CACNB2: variants seen among roughly 807,000 people sequenced by gnomAD.
CACNB2 encodes the protein voltage-dependent L-type calcium channel subunit beta-2.
A neutral mutation model predicts 73.3 loss-of-function variants in CACNB2; 42 were observed. That is an observed-to-expected ratio of 0.57 (90% CI 0.45 to 0.74). The LOEUF (loss-of-function observed/expected upper bound fraction) is 0.74. Ranked by LOEUF, CACNB2 falls within the 30% of genes least tolerant of loss-of-function variation. CACNB2 has a pLI of 0.00. For synonymous variants in CACNB2, 348 were observed against 310.3 expected (o/e 1.12, Z -1.28); for missense variants, 940 against 853.0 (o/e 1.10, Z -1.27).
chr10:18,292,537 T>C (rs145996381), intron 2 of CACNB2, among the ~76,000 whole-genome samples: 2 of 152,224 alleles, frequency 1.3e-5, no homozygotes, highest in African/African-American at 4.8e-5. Context: ...GTGCCTATAG[T>C]TCCAGCTACT....
intron 2 of CACNB2, among the ~76,000 whole-genome samples, chr10:18,326,382 G>A (rs2040591113): frequency 6.6e-6 from 1 of 152,174 alleles, no homozygotes; most frequent in Admixed American, 6.5e-5. Context: ...TATCCAAAGG[G>A]CAGTTTGGTG....
At chr10:18,165,880 T>G (rs2032816855) in intron 2 of CACNB2, among the ~76,000 whole-genome samples, 1 of 152,154 alleles carries the variant, frequency 6.6e-6, no homozygotes, top group South Asian at 2.1e-4. Flanking sequence ...GCAACTGACG[T>G]TAGATTGACC....
chr10:18,542,910 C>T lies in CACNB2; in HGVS notation c.*3186C>T, dbSNP rs574206810. ...TTTTTTTTTTTTTTTTGGTCATATC[C>T]ATTTCAGTCTTTCCTATGCTCTTTC... On this transcript the variant is annotated 3_prime_UTR_variant, in exon 14 of 14. Transcript: ENST00000324631. The T allele has an allele frequency of 9.3e-4, 125 of 134,952 alleles. No homozygotes were observed. The highest frequency in any genetic ancestry group is 4.6e-3 in the Middle Eastern group (1 of 218). The allele number at this position is 134,952 out of a possible 1,614,324, so 8.4% of individuals were successfully genotyped here.
chr10:18,320,275 C>T (rs1407670309), intron 2 of CACNB2, among the ~76,000 whole-genome samples: 2 of 152,168 alleles, frequency 1.3e-5, no homozygotes, highest in East Asian at 3.9e-4. Flanking sequence ...GAGCTTTTGT[C>T]TTACTCATCT....
rs78087290 is a variant in CACNB2, at chr10:18,305,649, A to G, written c.214-96275A>G. Among the ~76,000 whole-genome samples the G allele has an allele frequency of 7.8e-3, 1,191 of 152,222 alleles. 40 individuals are homozygous for G. The highest frequency in any genetic ancestry group is 0.054 in the East Asian group (281 of 5,168). On this transcript the variant is annotated intron_variant, in intron 2 of 13. Transcript: ENST00000324631. ...TGGTGTGAGTTAGTTTTCAAGACAA[A>G]CTGGAAGTCCCAATTTTAAGTAACA...
At chr10:18,321,958 G>C (rs567354054) in intron 2 of CACNB2, among the ~76,000 whole-genome samples, 5 of 152,214 alleles carry the variant, frequency 3.3e-5, no homozygotes, top group South Asian at 4.1e-4. Flanking sequence ...TTCAAGACCA[G>C]CCTGAACAAC....
intron 3 of CACNB2, among the ~76,000 whole-genome samples, chr10:18,483,111 A>G (rs192963619): frequency 6.6e-6 from 1 of 152,244 alleles, no homozygotes; most frequent in East Asian, 1.9e-4. Flanking sequence ...CTAGAGAGTG[A>G]GTGATCACAT....
chr10:18,408,871 A>T (rs2044449337), intron 3 of CACNB2, among the ~76,000 whole-genome samples: 1 of 152,032 alleles, frequency 6.6e-6, no homozygotes, highest in South Asian at 2.1e-4. Context: ...TTATTTTTTT[A>T]GACAAGGTCT....
chr10:18,279,323 G>A (rs887819154), intron 2 of CACNB2, among the ~76,000 whole-genome samples: 3 of 152,108 alleles, frequency 2.0e-5, no homozygotes, highest in Non-Finnish European at 2.9e-5. Flanking sequence ...AAATGGCTTT[G>A]TAACTCTTAC....
At chr10:18,533,058 G>A (rs1032856354) in intron 10 of CACNB2, 1 of 152,098 alleles carries the variant, frequency 6.6e-6, no homozygotes, top group Non-Finnish European at 1.5e-5. Context: ...TAAGGTACTA[G>A]TTAAAATTAT....
chr10:18,267,015 T>C (rs1292904099), intron 2 of CACNB2, among the ~76,000 whole-genome samples: 1 of 152,148 alleles, frequency 6.6e-6, no homozygotes, highest in Admixed American at 6.6e-5. Context: ...TGTGTGTATA[T>C]ATGTGTGTGT....
At chr10:18,397,293 C>CAT (rs1554809401) in intron 2 of CACNB2, among the ~76,000 whole-genome samples, 2 of 151,540 alleles carry the variant, frequency 1.3e-5, no homozygotes, top group Non-Finnish European at 2.9e-5. Flanking sequence ...ATGGCAAAAC[C>CAT]GTCTCTACTG....
At chr10:18,204,068 C>T (rs549386300) in intron 2 of CACNB2, among the ~76,000 whole-genome samples, 5 of 151,794 alleles carry the variant, frequency 3.3e-5, no homozygotes, top group Non-Finnish European at 5.9e-5. Context: ...GGAGAAAAAA[C>T]GTTTAATTTT....
intron 2 of CACNB2, among the ~76,000 whole-genome samples, chr10:18,316,117 A>G (rs1262707134): frequency 6.6e-6 from 1 of 152,176 alleles, no homozygotes; most frequent in Non-Finnish European, 1.5e-5. Context: ...CACCTCTGAG[A>G]TACATTATAT....
At chr10:18,208,528 C>T (rs975214461) in intron 2 of CACNB2, among the ~76,000 whole-genome samples, 4 of 152,012 alleles carry the variant, frequency 2.6e-5, no homozygotes, top group Non-Finnish European at 5.9e-5. Flanking sequence ...GGGAGGATTG[C>T]TTGAGCCCAG....
chr10:18,163,518 G>A (rs1230466191), intron 2 of CACNB2, among the ~76,000 whole-genome samples: 3 of 152,088 alleles, frequency 2.0e-5, no homozygotes, highest in African/African-American at 7.2e-5. Flanking sequence ...CCAGGACTTT[G>A]GCAATACCTT....
intron 5 of CACNB2, among the ~76,000 whole-genome samples, chr10:18,502,826 G>A (rs1011415348): frequency 7.9e-5 from 12 of 151,840 alleles, no homozygotes; most frequent in African/African-American, 2.7e-4. Context: ...GATGGGAGGA[G>A]GGTGAGGATC....
chr10:18,492,808 G>A (rs551708912), intron 3 of CACNB2, among the ~76,000 whole-genome samples: 2 of 152,116 alleles, frequency 1.3e-5, no homozygotes. Context: ...TGATGAGTTT[G>A]GTTTGAGGAC....
chr10:18,168,008 A>G (rs1158868610), intron 2 of CACNB2, among the ~76,000 whole-genome samples: 1 of 152,198 alleles, frequency 6.6e-6, no homozygotes. Flanking sequence ...GAAGCCACTT[A>G]GGATAGAAAC....
Sources: gnomAD v4.1 joint callset for allele counts (sites outside exome capture counted in the v4.1 genomes callset) on GRCh38, gnomAD v4.1.1 for gene constraint, MANE v1.5 for transcripts, NCBI Gene and HGNC (gene_info 2026-07-23, HGNC 2026-07-21) for gene names.